The following ZNF350 variants were observed in gnomAD, a reference collection of about 807,000 sequenced individuals.
The protein encoded by ZNF350 is zinc finger protein 350, also known as KRAB zinc finger protein ZFQR.
Under a neutral mutation model 13.1 loss-of-function variants are expected in ZNF350, and 5 were observed. The ratio of observed to expected loss-of-function variants is 0.38; its 90% confidence interval spans 0.20 to 0.80. The LOEUF (loss-of-function observed/expected upper bound fraction) is 0.80. Among genes scored for constraint, ZNF350 ranks in the 30% least tolerant of loss-of-function variants. The pLI is 0.43. For missense variants in ZNF350, 534 were observed against 644.2 expected (o/e 0.83, Z 1.85); for synonymous variants, 199 against 224.2 (o/e 0.89, Z 1.00).
Position 51,965,274 on chromosome 19 carries a change from T to G in ZNF350, c.1179A>C (p.Gln393His), listed in dbSNP as rs4988335. 1.6e-3 allele frequency: 2,605 copies of G among 1,614,046 alleles called. 11 individuals are homozygous for G. Among genetic ancestry groups the G allele is most frequent in the Middle Eastern group, 8.2e-3 (50 of 6,062 alleles). Residue 393 changes from glutamine to histidine, a missense_variant, in exon 5 of 5, where the codon CAA becomes CAC. By Grantham distance (24) the Gln-to-His change is conservative (BLOSUM62 0). Transcript: ENST00000243644. ...FSTKQKLIVH[Q>H]RTHTGERPYG... is the part of the protein sequence containing the mutation. The stretch of plus-strand genomic sequence containing the variant: ...AGGGTCTCTCTCCTGTATGAGTCCT[T>G]TGATGGACAATGAGCTTTTGCTTTG...
intron 3 of ZNF350, among the ~76,000 whole-genome samples, 153 bp from the exon 4 acceptor site, chr19:51,968,826 G>A (rs1319352274): frequency 6.6e-6 from 1 of 152,118 alleles, no homozygotes; most frequent in Non-Finnish European, 1.5e-5. Context: ...TTTCATATCT[G>A]TAACATCAAG....
rs4987241 is a variant in ZNF350, at chr19:51,969,036, C to T, written c.111G>A (p.Met37Ile). 1.8e-3 allele frequency: 2,839 copies of T among 1,614,104 alleles called. 82 individuals are homozygous for T. The East Asian group carries it at 0.055, about 31-fold the overall frequency. ...AAQKDLYRDV[M>I]LENYSNLVAV... ...CCACCAGGTTGCTGTAGTTCTCCAACATCACATCCCGGTACAGGTCCTTCT... is the reference window on the plus strand; with the variant it reads ...CCACCAGGTTGCTGTAGTTCTCCAATATCACATCCCGGTACAGGTCCTTCT... Residue 37 changes from methionine to isoleucine, a missense_variant, in exon 3 of 5, where the codon ATG (methionine) becomes ATA (isoleucine). Physicochemically the swap from Met to Ile is conservative, Grantham distance 10. Coordinates refer to ENST00000243644, the MANE Select transcript of ZNF350 (RefSeq NM_021632.4).
At position 51,976,932 on chromosome 19, in the gene ZNF350, TTA is replaced by T; in HGVS notation, c.-171-2403_-171-2402del. The T allele has an allele frequency of 6.6e-6, 1 of 152,296 alleles. No homozygotes were observed. The highest frequency in any genetic ancestry group is 2.1e-4 in the South Asian group (1 of 4,824). The allele number at this position is 152,296 out of a possible 1,614,324, so 9.4% of individuals were successfully genotyped here. A position where few individuals can be genotyped will look rare whatever the true frequency, so the allele number is the denominator to read the frequency against. Reference sequence around the variant, plus strand: ...GTACTGTACTTCTGCCATTATCTCATTATTATTCTGCAGGACAGCAAGCTGAA... The same window carrying T: ...GTACTGTACTTCTGCCATTATCTCATTTATTCTGCAGGACAGCAAGCTGAA... On this transcript the variant is annotated intron_variant, in intron 1 of 4. Transcript: ENST00000243644. This position sits in a 1 kb window ranked among gnomAD's most constrained non-coding sequence, Gnocchi z 4.5.
chr19:51,969,418 T>C (rs560744579), intron 2 of ZNF350, among the ~76,000 whole-genome samples: 2 of 152,100 alleles, frequency 1.3e-5, no homozygotes, highest in East Asian at 3.9e-4. Context: ...TATATGAATA[T>C]ATGTACATAT....
intron 1 of ZNF350, among the ~76,000 whole-genome samples, chr19:51,983,595 G>A (rs1419621508): frequency 6.6e-6 from 1 of 152,174 alleles, no homozygotes; most frequent in African/African-American, 2.4e-5. Flanking sequence ...AGATGTCTGT[G>A]TAAAGTCAAA....
intron 1 of ZNF350, among the ~76,000 whole-genome samples, chr19:51,978,636 A>G (rs1003612275): frequency 6.6e-6 from 1 of 152,164 alleles, no homozygotes; most frequent in Admixed American, 6.5e-5. Flanking sequence ...ACATTAAAGG[A>G]AAGAAATTTT....
In ZNF350 at chr19:51,966,031, GT is replaced by G. The variant is rs770392365; in HGVS notation, c.421del (p.Thr141LeufsTer2). ...LRGKSLKSNL[T>X]LVNQSKGYEI... ...ATAGCCTTTGCTCTGGTTAACTAAA[GT>G]TAAATTGGATTTCAAACTTTTTCCA... On this transcript the variant is annotated frameshift_variant, in exon 5 of 5. Transcript: ENST00000243644. LOFTEE classifies it low-confidence loss of function (END_TRUNC). The G allele has an allele frequency of 1.2e-6, 2 of 1,614,000 alleles. No homozygotes were observed. Among genetic ancestry groups the G allele is most frequent in the South Asian group, 2.2e-5 (2 of 91,020 alleles).
chr19:51,964,492 C>A lies in ZNF350; in HGVS notation c.*362G>T. ...AAACTGAATTGACACATATGTGTCC[C>A]ACATTCCACCATTACAGTATTAGCC... On this transcript the variant is annotated 3_prime_UTR_variant, in exon 5 of 5. Coordinates refer to ENST00000243644, the MANE Select transcript of ZNF350 (RefSeq NM_021632.4). 1 of 243,912 alleles carries A rather than the reference C, an allele frequency of 4.1e-6. No homozygotes were observed. The allele number at this position is 243,912 out of a possible 1,614,324, so 15.1% of individuals were successfully genotyped here.
At chr19:51,969,340 A>G (rs1246184742) in intron 2 of ZNF350, among the ~76,000 whole-genome samples, 2 of 152,108 alleles carry the variant, frequency 1.3e-5, no homozygotes, top group Non-Finnish European at 2.9e-5. Context: ...GGAAGTTTCT[A>G]TAAAGTGTAG....
rs1471205407 is a variant in ZNF350, at chr19:51,980,641, G to A, written c.-171-6110C>T. 4.6e-5 allele frequency among the ~76,000 whole-genome samples: 7 copies of A among 152,284 alleles called. No individual in the cohort carries two copies. In the East Asian group the frequency reaches 5.8e-4, roughly 13 times the overall value. On this transcript the variant is annotated intron_variant, in intron 1 of 4. Transcript: ENST00000243644. ...TCATTTTAATCACATTCATATTTGC[G>A]TAACTAACTCAGAATATAACCAAAG...
intron 4 of ZNF350, among the ~76,000 whole-genome samples, chr19:51,968,277 CAA>C (rs1266172556): frequency 2.0e-5 from 3 of 152,020 alleles, no homozygotes; most frequent in African/African-American, 7.3e-5. Context: ...AATTTCGTAA[CAA>C]GAGAGGTGGA....
chr19:51,970,273 G>A (rs1302096614), intron 2 of ZNF350, among the ~76,000 whole-genome samples: 1 of 151,842 alleles, frequency 6.6e-6, no homozygotes, highest in East Asian at 1.9e-4. Flanking sequence ...ATGTTGGCCA[G>A]GCTGTTCTCA....
intron 1 of ZNF350, among the ~76,000 whole-genome samples, chr19:51,980,449 C>T (rs756392079): frequency 6.6e-6 from 1 of 152,168 alleles, no homozygotes; most frequent in Non-Finnish European, 1.5e-5. Flanking sequence ...TAATTCTATT[C>T]AAACATCTCA....
intron 1 of ZNF350, among the ~76,000 whole-genome samples, chr19:51,981,582 G>A (rs1440786725): frequency 6.6e-6 from 1 of 152,158 alleles, no homozygotes; most frequent in Non-Finnish European, 1.5e-5. Context: ...TGATATGTCT[G>A]AACCAAAATG....
At position 51,964,715 on chromosome 19, in the gene ZNF350, T is replaced by C; in HGVS notation, c.*139A>G. 1 of 1,025,182 alleles carries C rather than the reference T, an allele frequency of 9.8e-7. No individual in the cohort carries two copies. The highest frequency in any genetic ancestry group is 1.4e-6 in the Non-Finnish European group (1 of 719,540). 63.5% of individuals were successfully genotyped at this position (1,025,182 alleles called of 1,614,324 possible). On this transcript the variant is annotated 3_prime_UTR_variant, in exon 5 of 5. Coordinates refer to ENST00000243644, the MANE Select transcript of ZNF350 (RefSeq NM_021632.4). ...GGTTAACATCAAATTTGCCTGTGTA[T>C]CACAGCATACATTTTAATAGGATGA...
At chr19:51,985,523 T>A (rs1210292754) in intron 1 of ZNF350, among the ~76,000 whole-genome samples, 1 of 152,224 alleles carries the variant, frequency 6.6e-6, no homozygotes. Flanking sequence ...ACCATACGCC[T>A]AAGCTCATTT....
At chr19:51,979,938 G>A (rs909525223) in intron 1 of ZNF350, among the ~76,000 whole-genome samples, 1 of 152,156 alleles carries the variant, frequency 6.6e-6, no homozygotes, top group African/African-American at 2.4e-5. Flanking sequence ...TGCATTATCT[G>A]GGGAGGAAAG....
chr19:51,966,698 AGTG>A (rs2085589124), intron 4 of ZNF350, among the ~76,000 whole-genome samples: 1 of 149,050 alleles, frequency 6.7e-6, no homozygotes, highest in African/African-American at 2.5e-5. Context: ...CCCAGGCTGG[AGTG>A]CAGTGACATG....
chr19:51,979,880 C>G (rs148612059), intron 1 of ZNF350, among the ~76,000 whole-genome samples: 1 of 152,350 alleles, frequency 6.6e-6, no homozygotes, highest in Non-Finnish European at 1.5e-5. Flanking sequence ...CAGTCTGCTG[C>G]TCAGATTGCT....
Sources: gnomAD v4.1 joint callset for allele counts (sites outside exome capture counted in the v4.1 genomes callset) on GRCh38, gnomAD v4.1.1 for gene constraint, Gnocchi (gnomAD v3.1) non-coding constraint, MANE v1.5 for transcripts, NCBI Gene and HGNC (gene_info 2026-07-23, HGNC 2026-07-21) for gene names.